UGGT2: variants seen among roughly 807,000 people sequenced by gnomAD.
UGGT2 encodes UDP-glucose:glycoprotein glucosyltransferase 2.
UGGT2 carries 180 observed loss-of-function variants against 192.1 expected under a neutral mutation model. The observed-to-expected ratio is 0.94, with a 90% CI of 0.83 to 1.06. The LOEUF is 1.06. UGGT2 is among the 50% of genes least tolerant of loss of function. UGGT2 has a pLI of 0.00. For synonymous variants in UGGT2, 580 were observed against 591.0 expected (o/e 0.98, Z 0.27); for missense variants, 1,849 against 1,795.7 (o/e 1.03, Z -0.54).
chr13:95,908,356 C>T (rs2048359725), intron 20 of UGGT2, among the ~76,000 whole-genome samples: 1 of 152,184 alleles, frequency 6.6e-6, no homozygotes, highest in Admixed American at 6.5e-5. Flanking sequence ...CTTCCCCAAC[C>T]TAGCAAGGCA....
At chr13:95,880,105 T>C (rs2047451721) in intron 27 of UGGT2, among the ~76,000 whole-genome samples, 1 of 152,202 alleles carries the variant, frequency 6.6e-6, no homozygotes, top group Non-Finnish European at 1.5e-5. Flanking sequence ...CCATGGAACA[T>C]ATTAATTTTT....
At chr13:96,050,266 T>C (rs962426894) in intron 1 of UGGT2, among the ~76,000 whole-genome samples, 16 of 152,332 alleles carry the variant, frequency 1.1e-4, no homozygotes, top group Non-Finnish European at 2.1e-4. Context: ...CTGGAAAAAC[T>C]GGCTAGCCAT....
At chr13:95,973,940 G>A (rs1274413858) in intron 10 of UGGT2, among the ~76,000 whole-genome samples, 3 of 152,174 alleles carry the variant, frequency 2.0e-5, no homozygotes, top group African/African-American at 7.2e-5. Context: ...TATTATCAGG[G>A]TAGGCAAATA....
intron 17 of UGGT2, among the ~76,000 whole-genome samples, chr13:95,927,934 T>C (rs1057151508): frequency 1.3e-5 from 2 of 152,236 alleles, no homozygotes; most frequent in African/African-American, 4.8e-5. Context: ...TTAATCCATT[T>C]AACCCTTAGT....
chr13:95,974,340 A>G (rs762063724), intron 10 of UGGT2, among the ~76,000 whole-genome samples: 2 of 152,162 alleles, frequency 1.3e-5, no homozygotes, highest in South Asian at 2.1e-4. Context: ...TTTTCCCCCA[A>G]TCTGGCATCG....
chr13:95,809,073 A>G (rs1426081374), intron 38 of UGGT2, among the ~76,000 whole-genome samples: 1 of 152,186 alleles, frequency 6.6e-6, no homozygotes, highest in African/African-American at 2.4e-5. Flanking sequence ...CCTATAATTC[A>G]ATATCTCACA....
At chr13:95,819,298 TCTA>T (rs2139781899) in intron 38 of UGGT2, among the ~76,000 whole-genome samples, 1 of 152,304 alleles carries the variant, frequency 6.6e-6, no homozygotes, top group African/African-American at 2.4e-5. Context: ...AGTTTATTCT[TCTA>T]CTTTTTCTCC....
In UGGT2 at chr13:95,991,458, T is replaced by G; in HGVS notation, c.831-1385A>C. On this transcript the variant is annotated intron_variant, in intron 7 of 38. Coordinates refer to ENST00000376747, the MANE Select transcript of UGGT2 (RefSeq NM_020121.4). ...TCTCATTGAAAACACGTATTTTCAATAGTCAATAGACAAGCCTTTGAAAAG... is the reference window on the plus strand; with the variant it reads ...TCTCATTGAAAACACGTATTTTCAAGAGTCAATAGACAAGCCTTTGAAAAG... The G allele has an allele frequency of 6.6e-6, 3 of 454,834 alleles. 1 individual carries two copies. Among genetic ancestry groups the G allele is most frequent in the Middle Eastern group, 6.5e-4 (2 of 3,054 alleles). 28.2% of individuals were successfully genotyped at this position (454,834 alleles called of 1,614,324 possible).
chr13:96,004,443 G>A (rs2051905845), intron 5 of UGGT2, among the ~76,000 whole-genome samples: 1 of 152,148 alleles, frequency 6.6e-6, no homozygotes, highest in Non-Finnish European at 1.5e-5. Context: ...TGGGGATGTG[G>A]GGATTAAGAG....
At chr13:95,877,994 G>C in intron 27 of UGGT2, 138 bp from the exon 28 acceptor site, 1 of 830,214 alleles carries the variant, frequency 1.2e-6, no homozygotes, top group South Asian at 2.1e-5. Context: ...TTACACATGA[G>C]TGAATTCATG....
intron 30 of UGGT2, among the ~76,000 whole-genome samples, chr13:95,866,876 T>C (rs545922919): frequency 1.3e-5 from 2 of 152,254 alleles, no homozygotes; most frequent in Non-Finnish European, 2.9e-5. Flanking sequence ...ATCTTATTAT[T>C]CTCCGTTCCT....
chr13:96,004,454 G>C (rs1391926099), intron 5 of UGGT2, among the ~76,000 whole-genome samples: 1 of 152,098 alleles, frequency 6.6e-6, no homozygotes, highest in African/African-American at 2.4e-5. Flanking sequence ...GGATTAAGAG[G>C]GGATGGTTAA....
chr13:95,803,494 A>T (rs1290790841), intron 38 of UGGT2, among the ~76,000 whole-genome samples: 1 of 151,178 alleles, frequency 6.6e-6, no homozygotes. Context: ...TCCCGACCTC[A>T]GGTGATCCAC....
At chr13:95,889,450 A>C (rs2047739659) in intron 25 of UGGT2, among the ~76,000 whole-genome samples, 1 of 152,202 alleles carries the variant, frequency 6.6e-6, no homozygotes, top group South Asian at 2.1e-4. Context: ...TTGCATTTTG[A>C]AATTTTGATA....
Position 95,894,605 on chromosome 13 carries a change from G to T in UGGT2, c.2812C>A (p.Arg938Ser), listed in dbSNP as rs769741473. The T allele has an allele frequency of 6.2e-7, 1 of 1,611,294 alleles. No individual in the cohort carries two copies. The highest frequency in any genetic ancestry group is 8.5e-7 in the Non-Finnish European group (1 of 1,178,438). The change falls in exon 24 of 39, where the codon CGT becomes AGT. Residue 938 changes from arginine to serine, a missense_variant. Transcript: ENST00000376747. Reference sequence around the variant, plus strand: ...AATGTGACATCATATCGAGATGCACGCTTAGGCACAGAGGACATAAGGGCA... The same window carrying T: ...AATGTGACATCATATCGAGATGCACTCTTAGGCACAGAGGACATAAGGGCA... ...VDALMSSVPK[R>S]ASRYDVTFLR...
intron 17 of UGGT2, among the ~76,000 whole-genome samples, chr13:95,929,334 AT>A (rs1456976922): frequency 1.3e-5 from 2 of 152,342 alleles, no homozygotes; most frequent in Admixed American, 6.5e-5. Flanking sequence ...ACACATGCAG[AT>A]TGGTTACAAC....
intron 38 of UGGT2, among the ~76,000 whole-genome samples, chr13:95,805,432 A>G (rs1594046336): frequency 6.6e-6 from 1 of 152,296 alleles, no homozygotes; most frequent in East Asian, 1.9e-4. Flanking sequence ...GGACATACAT[A>G]TCCAAAATAA....
rs116075466 is a variant in UGGT2, at chr13:95,818,771, A to G, written c.4528+14156T>C. ...GAGGGGGAAGATCTCACAAAATACCAGCTATAGTGGCGTCACCTGGGATGG... is the reference window on the plus strand; with the variant it reads ...GAGGGGGAAGATCTCACAAAATACCGGCTATAGTGGCGTCACCTGGGATGG... On this transcript the variant is annotated intron_variant, in intron 38 of 38. Coordinates refer to ENST00000376747, the MANE Select transcript of UGGT2 (RefSeq NM_020121.4). Among the ~76,000 whole-genome samples the G allele has an allele frequency of 3.6e-3, 544 of 152,228 alleles. 4 individuals are homozygous for G. Among genetic ancestry groups the G allele is most frequent in the African/African-American group, 0.013 (526 of 41,500 alleles).
chr13:95,959,952 C>G (rs2050336093), intron 12 of UGGT2, among the ~76,000 whole-genome samples: 1 of 152,208 alleles, frequency 6.6e-6, no homozygotes, highest in South Asian at 2.1e-4. Context: ...ACAGCCTCCA[C>G]TAGCAACTGT....
Sources: gnomAD v4.1 joint callset for allele counts (sites outside exome capture counted in the v4.1 genomes callset) on GRCh38, gnomAD v4.1.1 for gene constraint, MANE v1.5 for transcripts, NCBI Gene and HGNC (gene_info 2026-07-23, HGNC 2026-07-21) for gene names.